NRG3: variants seen among roughly 807,000 people sequenced by gnomAD.
NRG3 encodes the protein neuregulin 3.
A neutral mutation model predicts 66.9 loss-of-function variants in NRG3; 31 were observed. The observed-to-expected ratio is 0.46, with a 90% confidence interval of 0.35 to 0.63. NRG3 has a LOEUF of 0.63. Among genes scored for constraint, NRG3 ranks in the 20% least tolerant of loss-of-function variants. NRG3 has a pLI of 0.00. For missense variants in NRG3, 910 were observed against 878.9 expected (o/e 1.04, Z -0.45); for synonymous variants, 393 against 359.4 (o/e 1.09, Z -1.06).
chr10:82,170,654 G>GTATATATA (rs370773918), intron 1 of NRG3, among the ~76,000 whole-genome samples: 131 of 74,156 alleles, frequency 1.8e-3, no homozygotes, highest in Middle Eastern at 9.4e-3. Flanking sequence ...AAAACTTGTG[G>GTATATATA]TATATATATA....
intron 2 of NRG3, among the ~76,000 whole-genome samples, chr10:82,470,914 A>G (rs1340053352): frequency 6.6e-6 from 1 of 151,954 alleles, no homozygotes; most frequent in Non-Finnish European, 1.5e-5. Context: ...AACCTGCCCC[A>G]TTCCCCAGTC....
intron 1 of NRG3, among the ~76,000 whole-genome samples, chr10:82,290,285 A>C (rs1365620618): frequency 1.3e-5 from 2 of 152,214 alleles, no homozygotes; most frequent in Admixed American, 1.3e-4. Flanking sequence ...TGTCAAACTT[A>C]TGTTAAAATT....
chr10:81,914,767 AG>A (rs1845501625), intron 1 of NRG3, among the ~76,000 whole-genome samples: 1 of 145,324 alleles, frequency 6.9e-6, no homozygotes, highest in Non-Finnish European at 1.5e-5. Context: ...AAAAACAGAA[AG>A]CAAAAAAAAA....
chr10:82,082,536 AG>A (rs1455793803), intron 1 of NRG3, among the ~76,000 whole-genome samples: 1 of 152,148 alleles, frequency 6.6e-6, no homozygotes, highest in African/African-American at 2.4e-5. Flanking sequence ...GCTGGCAGAA[AG>A]GTAGAATATG....
At chr10:82,536,293 C>T (rs1002231559) in intron 2 of NRG3, among the ~76,000 whole-genome samples, 3 of 152,004 alleles carry the variant, frequency 2.0e-5, no homozygotes, top group Non-Finnish European at 2.9e-5. Flanking sequence ...AGACAGGGGA[C>T]AAGAAGAAAG....
At chr10:82,785,192 T>C (rs992261227) in intron 3 of NRG3, among the ~76,000 whole-genome samples, 1 of 114,326 alleles carries the variant, frequency 8.7e-6, no homozygotes, top group African/African-American at 3.4e-5. Context: ...CATCACACTC[T>C]GGGGGCTGTT....
chr10:82,699,378 T>C (rs1337232711), intron 2 of NRG3, among the ~76,000 whole-genome samples: 2 of 151,996 alleles, frequency 1.3e-5, no homozygotes, highest in African/African-American at 4.8e-5. Flanking sequence ...AATTAATTAC[T>C]AGTTATAACA....
At chr10:82,118,404 A>G (rs2067863313) in intron 1 of NRG3, among the ~76,000 whole-genome samples, 1 of 152,074 alleles carries the variant, frequency 6.6e-6, no homozygotes, top group Admixed American at 6.6e-5. Flanking sequence ...ATTAGGAATC[A>G]GAGTCAAGAA....
chr10:82,925,154 T>G (rs1299435023), intron 4 of NRG3, among the ~76,000 whole-genome samples: 1 of 152,198 alleles, frequency 6.6e-6, no homozygotes. Context: ...AAATTAGAAT[T>G]GGTCTTTAAA....
At chr10:82,138,914 C>T (rs1364003834) in intron 1 of NRG3, among the ~76,000 whole-genome samples, 9 of 152,038 alleles carry the variant, frequency 5.9e-5, no homozygotes, top group Admixed American at 5.9e-4. Flanking sequence ...TTAGATTGTG[C>T]TCACCCAGCT....
intron 1 of NRG3, among the ~76,000 whole-genome samples, chr10:81,901,511 GA>G (rs1337619970): frequency 6.6e-6 from 1 of 151,812 alleles, no homozygotes; most frequent in Non-Finnish European, 1.5e-5. Flanking sequence ...CTACAAAAAT[GA>G]AAAAAATTTG....
chr10:82,041,311 A>G (rs1272737152), intron 1 of NRG3, among the ~76,000 whole-genome samples: 1 of 152,004 alleles, frequency 6.6e-6, no homozygotes, highest in East Asian at 1.9e-4. Flanking sequence ...ATATGGATTA[A>G]CTTCACTCTT....
At chr10:82,413,014 A>C (rs934191505) in intron 2 of NRG3, among the ~76,000 whole-genome samples, 13 of 152,116 alleles carry the variant, frequency 8.5e-5, no homozygotes, top group African/African-American at 3.1e-4. Flanking sequence ...GAACCCCTCA[A>C]AATCATCCAT....
At chr10:82,469,757 G>A (rs1399178775) in intron 2 of NRG3, among the ~76,000 whole-genome samples, 1 of 152,206 alleles carries the variant, frequency 6.6e-6, no homozygotes, top group African/African-American at 2.4e-5. Context: ...AGCTCTGTGT[G>A]TCTGAATGCA....
intron 1 of NRG3, among the ~76,000 whole-genome samples, chr10:82,100,703 A>G (rs1352649186): frequency 6.6e-6 from 1 of 152,084 alleles, no homozygotes; most frequent in Non-Finnish European, 1.5e-5. Flanking sequence ...TTGTGTTACC[A>G]GGATAAACTA....
chr10:82,240,570 C>T (rs1212881748), intron 1 of NRG3, among the ~76,000 whole-genome samples: 2 of 151,992 alleles, frequency 1.3e-5, no homozygotes, highest in Non-Finnish European at 2.9e-5. Flanking sequence ...CTCGAGTGTC[C>T]ACAGAGAAAC....
At chr10:82,112,503 A>G (rs2067447973) in intron 1 of NRG3, among the ~76,000 whole-genome samples, 1 of 152,130 alleles carries the variant, frequency 6.6e-6, no homozygotes, top group South Asian at 2.1e-4. Context: ...ACTCCACAGG[A>G]GGCAGTTTAA....
intron 2 of NRG3, among the ~76,000 whole-genome samples, chr10:82,720,006 T>G (rs181466213): frequency 6.0e-4 from 91 of 152,330 alleles, no homozygotes; most frequent in African/African-American, 2.0e-3. Flanking sequence ...ACTGTGCCAT[T>G]AAGTGACTGT....
chr10:82,453,914 G>A (rs1213506270), intron 2 of NRG3, among the ~76,000 whole-genome samples: 1 of 152,144 alleles, frequency 6.6e-6, no homozygotes, highest in Non-Finnish European at 1.5e-5. Flanking sequence ...ATTTTTACAT[G>A]TCACAGAAAT....
Sources: gnomAD v4.1 joint callset for allele counts (sites outside exome capture counted in the v4.1 genomes callset) on GRCh38, gnomAD v4.1.1 for gene constraint, MANE v1.5 for transcripts, NCBI Gene and HGNC (gene_info 2026-07-23, HGNC 2026-07-21) for gene names.